The following VPS8 variants were observed in gnomAD, a reference collection of about 807,000 sequenced individuals.
VPS8 encodes the protein vacuolar protein sorting-associated protein 8 homolog.
A neutral mutation model predicts 216.4 loss-of-function variants in VPS8; 129 were observed. The observed-to-expected ratio is 0.60, with a 90% CI of 0.52 to 0.69. The LOEUF is 0.69. VPS8 is among the 30% of genes least tolerant of loss of function. The pLI is 0.00. For missense variants in VPS8, 1,531 were observed against 1,683.5 expected (o/e 0.91, Z 1.59); for synonymous variants, 571 against 565.4 (o/e 1.01, Z -0.14).
chr3:184,978,591 G>A (rs184502769), intron 40 of VPS8, among the ~76,000 whole-genome samples: 18 of 152,016 alleles, frequency 1.2e-4, no homozygotes, highest in Middle Eastern at 3.4e-3. Flanking sequence ...GTAGAAACAG[G>A]GTCTCCCCAG....
chr3:184,940,787 G>A lies in VPS8; in HGVS notation c.3035+544G>A, dbSNP rs536328201. ...ATAAAAGCAAACTCAAGGAGATGAT[G>A]AAATTAATAATGGATTTGTAGGCAA... is the stretch of plus-strand genomic sequence containing the variant. On this transcript the variant is annotated intron_variant, in intron 36 of 47. Coordinates refer to ENST00000625842, the MANE Select transcript of VPS8 (RefSeq NM_001009921.3). Among the ~76,000 whole-genome samples the A allele has an allele frequency of 5.9e-5, 9 of 152,348 alleles. No homozygotes were observed. In the East Asian group the frequency reaches 7.7e-4, roughly 13 times the overall value.
intron 30 of VPS8, 118 bp from the exon 31 acceptor site, chr3:184,926,476 T>G: frequency 1.0e-6 from 1 of 977,872 alleles, no homozygotes; most frequent in Non-Finnish European, 1.5e-6. Flanking sequence ...ACCTGTGGTA[T>G]TTGTTATGTC....
At chr3:184,914,891 A>G (rs1480786737) in intron 26 of VPS8, 90 bp from the exon 27 acceptor site, 6 of 1,251,606 alleles carry the variant, frequency 4.8e-6, no homozygotes, top group East Asian at 4.6e-5. Context: ...AAATTGAACT[A>G]GTATCTCAAG....
chr3:184,878,203 C>T (rs1448726552), intron 21 of VPS8, among the ~76,000 whole-genome samples: 17 of 151,748 alleles, frequency 1.1e-4, no homozygotes, highest in Admixed American at 7.9e-4. Flanking sequence ...CTCTGCCTCC[C>T]GGGTTCAAGC....
intron 45 of VPS8, among the ~76,000 whole-genome samples, chr3:185,018,620 T>C (rs1000933372): frequency 2.0e-5 from 3 of 152,202 alleles, no homozygotes; most frequent in African/African-American, 7.2e-5. Flanking sequence ...TCAGTAGGAA[T>C]CATCTGACTG....
At chr3:184,924,030 T>C (rs773789961) in intron 29 of VPS8, among the ~76,000 whole-genome samples, 6 of 152,244 alleles carry the variant, frequency 3.9e-5, no homozygotes, top group Non-Finnish European at 2.9e-5. Context: ...AAGACACTTA[T>C]AGCATCTTAC....
intron 46 of VPS8, among the ~76,000 whole-genome samples, chr3:185,045,316 C>A (rs909321673): frequency 6.6e-6 from 1 of 152,134 alleles, no homozygotes; most frequent in African/African-American, 2.4e-5. Flanking sequence ...ACGAACAAGC[C>A]GAGCTCAGGC....
chr3:184,834,564 C>CGT (rs1402021921), intron 4 of VPS8, 85 bp from the exon 5 acceptor site: 2 of 994,600 alleles, frequency 2.0e-6, no homozygotes, highest in Non-Finnish European at 2.9e-6. Flanking sequence ...GCTTTTTGTG[C>CGT]GTGTGTGTTT....
chr3:184,990,925 G>GTT (rs5855051), intron 42 of VPS8, among the ~76,000 whole-genome samples: 18 of 148,302 alleles, frequency 1.2e-4, no homozygotes, highest in African/African-American at 3.5e-4. Context: ...AAATTACACC[G>GTT]TTTTTTTTTT....
chr3:184,895,588 G>T (rs1359068000), intron 23 of VPS8, among the ~76,000 whole-genome samples: 2 of 38,468 alleles, frequency 5.2e-5, no homozygotes, highest in Non-Finnish European at 9.4e-5. Flanking sequence ...TCCTCCTCCT[G>T]CTCCTCCTCC....
At chr3:184,896,924 C>A (rs1733597004) in intron 23 of VPS8, among the ~76,000 whole-genome samples, 1 of 151,924 alleles carries the variant, frequency 6.6e-6, no homozygotes, top group East Asian at 1.9e-4. Flanking sequence ...AGCTGAATGA[C>A]AAGAAGGAAT....
At chr3:185,032,965 C>T (rs1278067049) in intron 46 of VPS8, among the ~76,000 whole-genome samples, 1 of 152,186 alleles carries the variant, frequency 6.6e-6, no homozygotes, top group Non-Finnish European at 1.5e-5. Flanking sequence ...CCCCGCCCGG[C>T]CCCTTTATTT....
intron 42 of VPS8, among the ~76,000 whole-genome samples, chr3:184,991,364 T>C (rs2109831374): frequency 6.6e-6 from 1 of 152,344 alleles, no homozygotes; most frequent in African/African-American, 2.4e-5. Context: ...GAAAATAATT[T>C]GAAGAGCTAG....
intron 21 of VPS8, among the ~76,000 whole-genome samples, chr3:184,883,595 C>T (rs904812145): frequency 6.6e-6 from 1 of 152,212 alleles, no homozygotes; most frequent in East Asian, 1.9e-4. Context: ...GTTCTTTATA[C>T]CTGTTGTCAG....
intron 46 of VPS8, 78 bp from the exon 47 acceptor site, chr3:185,048,401 C>T: frequency 7.2e-7 from 1 of 1,384,174 alleles, no homozygotes; most frequent in Non-Finnish European, 1.0e-6. Flanking sequence ...CCATGTTATG[C>T]TTCAGCATCG....
chr3:184,915,027 G>A lies in VPS8; in HGVS notation c.2236G>A (p.Asp746Asn). 2 of 1,613,956 alleles carry A rather than the reference G, an allele frequency of 1.2e-6. No individual in the cohort carries two copies. Among genetic ancestry groups the A allele is most frequent in the South Asian group, 1.1e-5 (1 of 91,082 alleles). The change falls in exon 27 of 48, where the codon GAT becomes AAT. Residue 746 changes from aspartate to asparagine, a missense_variant. Physicochemically the swap from Asp to Asn is conservative, Grantham distance 23. This residue lies in a region of VPS8 where 1,318 missense variants were observed against 1,468.4 expected (regional missense o/e 0.90). Transcript: ENST00000625842. ...RAYPLGDIPE[D>N]LVPLVKNQVF... ...CTATCCCCTTGGTGACATCCCTGAAGATCTGGTTCCCTTGGTTAAAAACCA... is the reference window on the plus strand; with the variant it reads ...CTATCCCCTTGGTGACATCCCTGAAAATCTGGTTCCCTTGGTTAAAAACCA...
At chr3:184,946,470 C>T (rs541130533) in intron 36 of VPS8, among the ~76,000 whole-genome samples, 1 of 152,346 alleles carries the variant, frequency 6.6e-6, no homozygotes, top group East Asian at 1.9e-4. Context: ...TTTGCAGTGG[C>T]AGCTTCATAA....
At chr3:184,963,950 A>G (rs1746965227) in intron 37 of VPS8, among the ~76,000 whole-genome samples, 1 of 151,970 alleles carries the variant, frequency 6.6e-6, no homozygotes, top group South Asian at 2.1e-4. Context: ...TAACCTGTTA[A>G]TCTTTTCAAA....
At chr3:184,916,726 T>G (rs1737660221) in intron 28 of VPS8, among the ~76,000 whole-genome samples, 1 of 152,094 alleles carries the variant, frequency 6.6e-6, no homozygotes, top group African/African-American at 2.4e-5. Context: ...AGTTGGTGAC[T>G]GGCACATAGG....
Sources: gnomAD v4.1 joint callset for allele counts (sites outside exome capture counted in the v4.1 genomes callset) on GRCh38, gnomAD v4.1.1 for gene constraint, gnomAD v4.1.1 regional missense constraint, MANE v1.5 for transcripts, NCBI Gene and HGNC (gene_info 2026-07-23, HGNC 2026-07-21) for gene names.